Variants in TCERG1L observed in about 807,000 individuals in gnomAD.
TCERG1L encodes transcription elongation regulator 1 like.
Under a neutral mutation model 56.3 loss-of-function variants are expected in TCERG1L, and 37 were observed. The observed-to-expected ratio is 0.66, with a 90% CI of 0.51 to 0.87. The LOEUF (loss-of-function observed/expected upper bound fraction) is 0.87, where lower values mean the gene tolerates loss of function less well. TCERG1L is among the 40% of genes least tolerant of loss of function. TCERG1L has a pLI of 0.00. For missense variants in TCERG1L, 799 were observed against 774.2 expected (o/e 1.03, Z -0.38); for synonymous variants, 324 against 326.3 (o/e 0.99, Z 0.08).
intron 4 of TCERG1L, among the ~76,000 whole-genome samples, chr10:131,259,103 T>C (rs1038084544): frequency 2.0e-5 from 3 of 152,318 alleles, no homozygotes; most frequent in African/African-American, 7.2e-5. Flanking sequence ...TATCAACTAA[T>C]TCATCAAACC....
intron 6 of TCERG1L, among the ~76,000 whole-genome samples, chr10:131,154,126 C>A (rs890773081): frequency 6.6e-6 from 1 of 152,138 alleles, no homozygotes; most frequent in Non-Finnish European, 1.5e-5. Flanking sequence ...TTCTGGATAC[C>A]TGCCATATTC....
intron 4 of TCERG1L, among the ~76,000 whole-genome samples, chr10:131,197,471 C>T (rs990593914): frequency 6.6e-6 from 1 of 151,546 alleles, no homozygotes; most frequent in African/African-American, 2.4e-5. Context: ...AGGCATGAGC[C>T]ACCACACCTG....
intron 10 of TCERG1L, among the ~76,000 whole-genome samples, chr10:131,099,159 A>G (rs1482599952): frequency 6.6e-6 from 1 of 152,166 alleles, no homozygotes; most frequent in Non-Finnish European, 1.5e-5. Context: ...TGCCCCAAAC[A>G]GGAAAACCCT....
rs1846007745 is a variant in TCERG1L at position 131,164,157 on chromosome 10, A to G, written c.946-947T>C. On this transcript the variant is annotated intron_variant, in intron 5 of 11. Coordinates refer to ENST00000368642, the MANE Select transcript of TCERG1L (RefSeq NM_174937.4). ...AAAAAAAAAAAAAGAAAAAAGAAAAAAAAAAGAAAATTTATCACCTAGAAT... is the reference window on the plus strand; with the variant it reads ...AAAAAAAAAAAAAGAAAAAAGAAAAGAAAAAGAAAATTTATCACCTAGAAT... 5 of 151,522 alleles carry G rather than the reference A, an allele frequency of 3.3e-5. No homozygotes were observed. In the South Asian group the frequency reaches 1.0e-3, roughly 31 times the overall value. 9.4% of individuals were successfully genotyped at this position (151,522 alleles called of 1,614,324 possible).
intron 3 of TCERG1L, among the ~76,000 whole-genome samples, chr10:131,282,023 C>T (rs1846462220): frequency 3.3e-5 from 5 of 151,566 alleles, no homozygotes; most frequent in East Asian, 1.9e-4. Context: ...GTAGTCCCAG[C>T]TACTCGGGAG....
At position 131,103,907 on chromosome 10, in the gene TCERG1L, T is replaced by A; in HGVS notation, c.1485+358A>T. Among the ~76,000 whole-genome samples, 1 of 152,156 alleles carries A rather than the reference T, an allele frequency of 6.6e-6. No individual in the cohort carries two copies. The highest frequency in any genetic ancestry group is 1.9e-4 in the East Asian group (1 of 5,198). On this transcript the variant is annotated intron_variant, in intron 10 of 11. Transcript: ENST00000368642. This position sits in a 1 kb window ranked among gnomAD's most constrained non-coding sequence, Gnocchi z 4.3. ...TATAAGATTTTAAGCATATAAAACC[T>A]TAAGGTCTTATGTAAGACCACCTCT... is the stretch of plus-strand genomic sequence containing the variant.
Position 131,309,233 on chromosome 10 carries a change from C to T in TCERG1L, c.409G>A (p.Val137Ile), listed in dbSNP as rs61732111. 0.035 allele frequency: 55,727 copies of T among 1,607,138 alleles called. 1,189 individuals carry two copies. The highest frequency in any genetic ancestry group is 0.061 in the Middle Eastern group (365 of 6,026). Reference protein sequence around the residue: ...PPSSTVELVPVFPHLCPSALA... With the variant: ...PPSSTVELVPIFPHLCPSALA... ...GCAGAAGGGCAGAGATGTGGGAAGA[C>T]GGGCACCAGCTCCACTGTGGAAGAG... Residue 137 changes from valine (V) to isoleucine (I), a missense_variant, in exon 2 of 12, where the codon GTC becomes ATC. Physicochemically the swap from Val to Ile is conservative, Grantham distance 29. Coordinates refer to ENST00000368642, the MANE Select transcript of TCERG1L (RefSeq NM_174937.4).
chr10:131,297,827 C>T (rs1486071782), intron 3 of TCERG1L, among the ~76,000 whole-genome samples: 8 of 152,074 alleles, frequency 5.3e-5, no homozygotes, highest in Non-Finnish European at 8.8e-5. Flanking sequence ...TAACTTATTT[C>T]ATCTAAGCTG....
intron 4 of TCERG1L, among the ~76,000 whole-genome samples, chr10:131,237,724 A>G (rs765267929): frequency 2.0e-5 from 3 of 152,216 alleles, no homozygotes; most frequent in Non-Finnish European, 4.4e-5. Flanking sequence ...TAGTCCAGGC[A>G]TCGGCGGGGT....
intron 5 of TCERG1L, 134 bp downstream of exon 5, chr10:131,166,663 C>T: frequency 1.1e-6 from 1 of 872,732 alleles, no homozygotes; most frequent in Non-Finnish European, 1.8e-6. Context: ...AGTGCCAGGT[C>T]CTGCTGCTTC....
chr10:131,309,119 GC>G, intron 2 of TCERG1L, 33 bp downstream of exon 2: 2 of 1,584,430 alleles, frequency 1.3e-6, no homozygotes, highest in Non-Finnish European at 1.7e-6. Context: ...ATCATTAAAA[GC>G]CCCTTATCCA....
intron 4 of TCERG1L, among the ~76,000 whole-genome samples, chr10:131,180,089 C>T (rs1845154530): frequency 6.6e-6 from 1 of 152,208 alleles, no homozygotes; most frequent in African/African-American, 2.4e-5. Flanking sequence ...AGTGACCAAC[C>T]TGCTCGACAA....
chr10:131,277,566 C>T (rs1261640541), intron 3 of TCERG1L, among the ~76,000 whole-genome samples: 10 of 152,190 alleles, frequency 6.6e-5, no homozygotes, highest in East Asian at 1.9e-4. Context: ...CCCTCCCAGA[C>T]GCAGGCACTG....
intron 4 of TCERG1L, among the ~76,000 whole-genome samples, chr10:131,254,707 A>G (rs1469711986): frequency 1.3e-5 from 2 of 152,138 alleles, no homozygotes; most frequent in African/African-American, 4.8e-5. Context: ...GCTGGAGAGG[A>G]GGCATCAGGC....
intron 4 of TCERG1L, among the ~76,000 whole-genome samples, chr10:131,244,688 G>A (rs1044068355): frequency 6.6e-6 from 1 of 152,118 alleles, no homozygotes; most frequent in Non-Finnish European, 1.5e-5. Flanking sequence ...GGTTAGGATG[G>A]CCAATTGGGG....
intron 4 of TCERG1L, among the ~76,000 whole-genome samples, chr10:131,174,539 G>A (rs1284709060): frequency 1.3e-5 from 2 of 152,112 alleles, no homozygotes; most frequent in Non-Finnish European, 1.5e-5. Flanking sequence ...CCTCTCACCC[G>A]CCCGTTCCCC....
At chr10:131,202,059 G>A (rs1290123960) in intron 4 of TCERG1L, among the ~76,000 whole-genome samples, 1 of 152,170 alleles carries the variant, frequency 6.6e-6, no homozygotes, top group African/African-American at 2.4e-5. Flanking sequence ...GGGTTAAACA[G>A]ACAAACTAAT....
chr10:131,115,923 AC>A (rs558661272), intron 9 of TCERG1L, among the ~76,000 whole-genome samples: 123 of 152,174 alleles, frequency 8.1e-4, no homozygotes, highest in Middle Eastern at 3.4e-3. Flanking sequence ...CCTCTCCAGG[AC>A]CCTGGGAGTT....
At chr10:131,125,239 C>T (rs960556514) in intron 8 of TCERG1L, among the ~76,000 whole-genome samples, 1 of 96,948 alleles carries the variant, frequency 1.0e-5, no homozygotes, top group African/African-American at 3.6e-5. Flanking sequence ...GATGATTCTT[C>T]ACCTTCATCA....
Sources: gnomAD v4.1 joint callset for allele counts (sites outside exome capture counted in the v4.1 genomes callset) on GRCh38, gnomAD v4.1.1 for gene constraint, Gnocchi (gnomAD v3.1) non-coding constraint, MANE v1.5 for transcripts, NCBI Gene and HGNC (gene_info 2026-07-23, HGNC 2026-07-21) for gene names.